Variants in PLEKHA8 observed in about 807,000 individuals in gnomAD.
PLEKHA8 encodes pleckstrin homology domain containing A8.
A neutral mutation model predicts 68.2 loss-of-function variants in PLEKHA8; 36 were observed. The ratio of observed to expected loss-of-function variants is 0.53; its 90% CI spans 0.40 to 0.70. PLEKHA8 has a LOEUF of 0.70. PLEKHA8 is among the 30% of genes least tolerant of loss of function. The pLI is 0.00. For synonymous variants in PLEKHA8, 211 were observed against 216.1 expected, an observed-to-expected ratio of 0.98 and a Z score of 0.20; for missense variants, 505 against 615.4, an observed-to-expected ratio of 0.82 and a Z score of 1.90.
chr7:30,069,393 C>T (rs3763448), intron 12 of PLEKHA8, among the ~76,000 whole-genome samples: 25,509 of 152,176 alleles, frequency 0.17, 2,184 homozygotes, highest in Middle Eastern at 0.22. Flanking sequence ...ACATTTCTCT[C>T]GTCTTCTCTA....
At position 30,073,922 on chromosome 7, in the gene PLEKHA8, C is replaced by A. The variant is rs955413096; in HGVS notation, c.1301-149C>A. 1.9e-5 allele frequency: 10 copies of A among 536,968 alleles called. No homozygotes were observed. The South Asian group carries it at 1.9e-4, about 10-fold the overall frequency. 33.3% of individuals were successfully genotyped at this position (536,968 alleles called of 1,614,324 possible). On this transcript the variant is annotated intron_variant, in intron 12 of 13. Coordinates refer to ENST00000449726, the MANE Select transcript of PLEKHA8 (RefSeq NM_001197026.2). ...GGAGGATCACTTGAGCGCAGGAGTT[C>A]AAGGCTGCAACTATTATCACACCAC...
intron 6 of PLEKHA8, among the ~76,000 whole-genome samples, chr7:30,051,544 C>G (rs1419952327): frequency 6.6e-6 from 1 of 152,058 alleles, no homozygotes; most frequent in African/African-American, 2.4e-5. Context: ...ATATTATGAT[C>G]GTTCCTTTAA....
intron 13 of PLEKHA8, among the ~76,000 whole-genome samples, chr7:30,100,340 C>T (rs751252999): frequency 6.6e-6 from 1 of 152,110 alleles, no homozygotes; most frequent in African/African-American, 2.4e-5. Flanking sequence ...CACTTGAGGC[C>T]AGGAGTTCAA....
chr7:30,097,847 A>C (rs530684038), intron 13 of PLEKHA8, among the ~76,000 whole-genome samples: 3 of 152,280 alleles, frequency 2.0e-5, no homozygotes, highest in Admixed American at 1.3e-4. Flanking sequence ...TTCTCTGTCC[A>C]GCTTTGTTCC....
At chr7:30,115,359 A>G (rs1204855827) in intron 13 of PLEKHA8, among the ~76,000 whole-genome samples, 3 of 151,946 alleles carry the variant, frequency 2.0e-5, no homozygotes, top group East Asian at 3.9e-4. Flanking sequence ...AATGCAAACT[A>G]CTCATTGTAC....
At chr7:30,049,772 A>C (rs1346500503) in intron 5 of PLEKHA8, among the ~76,000 whole-genome samples, 4 of 152,212 alleles carry the variant, frequency 2.6e-5, no homozygotes, top group Non-Finnish European at 5.9e-5. Context: ...GGTTAAAGTC[A>C]AAACTTCTTA....
At position 30,079,604 on chromosome 7, in the gene PLEKHA8, T is replaced by G; in HGVS notation, c.*817T>G. 1 of 776,732 alleles carries G rather than the reference T, an allele frequency of 1.3e-6. No homozygotes were observed. The highest frequency in any genetic ancestry group is 1.6e-6 in the Non-Finnish European group (1 of 639,838). 48.1% of individuals were successfully genotyped at this position (776,732 alleles called of 1,614,324 possible). On this transcript the variant is annotated 3_prime_UTR_variant, in exon 14 of 14. Transcript: ENST00000449726. ...TATTACTCCACTTCAAAAGCAAGGT[T>G]TAGAAGTTGAGGGATCTGTTCACAG... is the stretch of plus-strand genomic sequence containing the variant.
chr7:30,036,030 C>G (rs974704591), intron 1 of PLEKHA8, among the ~76,000 whole-genome samples: 1 of 152,038 alleles, frequency 6.6e-6, no homozygotes, highest in Non-Finnish European at 1.5e-5. Flanking sequence ...CCGACATGGG[C>G]AGATCGCTTG....
At chr7:30,120,257 A>G (rs909208557) in intron 13 of PLEKHA8, among the ~76,000 whole-genome samples, 7 of 152,216 alleles carry the variant, frequency 4.6e-5, no homozygotes, top group African/African-American at 1.7e-4. Context: ...TAACTGAGTA[A>G]ATAACAATTT....
In PLEKHA8 at chr7:30,060,944, T is replaced by C; in HGVS notation, c.1098+2T>C. On this transcript the variant is annotated splice_donor_variant, in intron 10 of 13. Transcript: ENST00000449726. LOFTEE classifies it high-confidence loss of function. ...ATGGATCTTGTTGGAAATATTAAGG[T>C]GAGCATACTGGTTTGTCTCTGTGGA... 1 of 1,613,046 alleles carries C rather than the reference T, an allele frequency of 6.2e-7. No individual in the cohort carries two copies. The highest frequency in any genetic ancestry group is 1.7e-4 in the Middle Eastern group (1 of 6,044).
intron 4 of PLEKHA8, 137 bp downstream of exon 4, chr7:30,048,093 C>T (rs1041090294): frequency 8.9e-6 from 4 of 451,212 alleles, no homozygotes; most frequent in African/African-American, 4.2e-5. Flanking sequence ...ACGTTGCTTA[C>T]AGGTGGTGTT....
At chr7:30,113,144 GT>G (rs1366273013) in intron 13 of PLEKHA8, among the ~76,000 whole-genome samples, 1 of 152,042 alleles carries the variant, frequency 6.6e-6, no homozygotes, top group Non-Finnish European at 1.5e-5. Context: ...GGTTGCTCTG[GT>G]TTACCCACAT....
At chr7:30,120,079 G>T (rs931892118) in intron 13 of PLEKHA8, among the ~76,000 whole-genome samples, 4 of 150,826 alleles carry the variant, frequency 2.7e-5, no homozygotes, top group Non-Finnish European at 5.9e-5. Flanking sequence ...TAAGAACTTG[G>T]TCATTAGGGA....
intron 3 of PLEKHA8, 80 bp from the exon 4 acceptor site, chr7:30,047,752 A>T (rs1024877760): frequency 1.3e-5 from 19 of 1,418,528 alleles, no homozygotes; most frequent in Non-Finnish European, 1.7e-5. Flanking sequence ...ACTAGTAAGG[A>T]TTCCTCTTCT....
chr7:30,073,247 TA>T (rs1794378554), intron 12 of PLEKHA8, among the ~76,000 whole-genome samples: 2 of 152,164 alleles, frequency 1.3e-5, no homozygotes, highest in South Asian at 4.1e-4. Context: ...GTTTCTAGCT[TA>T]AATACTGTAT....
chr7:30,074,246 T>TTGTGTGTG (rs149548208), intron 13 of PLEKHA8, 114 bp downstream of exon 13: 5,548 of 487,368 alleles, frequency 0.011, 45 homozygotes, highest in African/African-American at 0.03. Flanking sequence ...AGAAACAAAG[T>TTGTGTGTG]TGTGTGTGTG....
chr7:30,049,130 T>TA, intron 4 of PLEKHA8, 94 bp from the exon 5 acceptor site: 1 of 1,435,414 alleles, frequency 7.0e-7, no homozygotes, highest in East Asian at 2.3e-5. Context: ...GGTACATTAT[T>TA]ATTATTTTGT....
Position 30,115,342 on chromosome 7 carries a change from G to A in PLEKHA8, c.1363-13924G>A, listed in dbSNP as rs559047213. On this transcript the variant is annotated intron_variant, in intron 13 of 13. Transcript: ENST00000396257. ...ATTGGGGACATCCATAGAAGTGTTA[G>A]GAGGAAAATGCAAACTACTCATTGT... Among the ~76,000 whole-genome samples, 15 of 152,176 alleles carry A rather than the reference G, an allele frequency of 9.9e-5. No homozygotes were observed. In the South Asian group the frequency reaches 2.7e-3, roughly 27 times the overall value.
At chr7:30,103,779 A>G (rs1011246280) in intron 13 of PLEKHA8, among the ~76,000 whole-genome samples, 2 of 152,256 alleles carry the variant, frequency 1.3e-5, no homozygotes, top group Admixed American at 1.3e-4. Context: ...GATAAATTAT[A>G]TAACTGAATG....
Sources: gnomAD v4.1 joint callset for allele counts (sites outside exome capture counted in the v4.1 genomes callset) on GRCh38, gnomAD v4.1.1 for gene constraint, MANE v1.5 for transcripts, NCBI Gene and HGNC (gene_info 2026-07-23, HGNC 2026-07-21) for gene names.